The following NXPE2 variants were observed in gnomAD, a reference collection of about 807,000 sequenced individuals.
NXPE2 encodes the protein neurexophilin and PC-esterase domain family member 2, also known as NXPE family member 2.
In NXPE2, 34 loss-of-function variants were observed where a neutral mutation model predicts 34.4. That is an observed-to-expected ratio of 0.99 (90% CI 0.75 to 1.31). NXPE2 has a LOEUF of 1.31. NXPE2 is among the 40% of genes most tolerant of loss of function. The probability of loss-of-function intolerance (pLI) is 0.00; values close to 1 mark genes in which losing one functional copy is unlikely to be tolerated. For missense variants in NXPE2, 649 were observed against 672.5 expected (o/e 0.97, Z 0.39); for synonymous variants, 235 against 231.3 (o/e 1.02, Z -0.15).
At chr11:114,734,325 A>C in the NXPE2 span, among the ~76,000 whole-genome samples, 1 of 152,338 alleles carries the variant, frequency 6.6e-6, no homozygotes, top group East Asian at 1.9e-4. Context: ...AAGCTCTGCT[A>C]TTTGCTATAT....
At chr11:114,613,798 G>C in the NXPE2 span, among the ~76,000 whole-genome samples, 4 of 151,754 alleles carry the variant, frequency 2.6e-5, no homozygotes, top group Non-Finnish European at 4.4e-5. Context: ...TTAGCCGGTG[G>C]ATAATACGTC....
intron 2 of NXPE2, among the ~76,000 whole-genome samples, chr11:114,680,414 C>T (rs181573058): frequency 6.6e-6 from 1 of 152,090 alleles, no homozygotes; most frequent in Admixed American, 6.6e-5. Context: ...AAGCTTCAAA[C>T]AAGAAGCACC....
chr11:114,540,014 A>G, the NXPE2 span, among the ~76,000 whole-genome samples: 1 of 152,218 alleles, frequency 6.6e-6, no homozygotes. Context: ...TAATTTCCTT[A>G]TGACCTCACA....
chr11:114,750,087 C>T, the NXPE2 span, among the ~76,000 whole-genome samples: 1 of 152,184 alleles, frequency 6.6e-6, no homozygotes, highest in Non-Finnish European at 1.5e-5. Flanking sequence ...TAACTCAGCT[C>T]AGTTCAATGC....
At chr11:114,697,960 T>A in intron 2 of NXPE2, 85 bp from the exon 3 acceptor site, 1 of 1,219,318 alleles carries the variant, frequency 8.2e-7, no homozygotes, top group South Asian at 2.0e-5. Flanking sequence ...CACTGAAAGA[T>A]GTAAAATAAG....
the NXPE2 span, among the ~76,000 whole-genome samples, chr11:114,636,895 T>G: frequency 6.6e-6 from 1 of 152,146 alleles, no homozygotes; most frequent in Admixed American, 6.5e-5. Context: ...ATATGGTCAA[T>G]TTTGGAATAG....
chr11:114,695,830 A>AACAGACAC (rs564407542), intron 2 of NXPE2, among the ~76,000 whole-genome samples: 1 of 132,536 alleles, frequency 7.5e-6, no homozygotes, highest in Non-Finnish European at 1.6e-5. Flanking sequence ...GTCTCTACTA[A>AACAGACAC]ACACACACAC....
the NXPE2 span, among the ~76,000 whole-genome samples, chr11:114,792,621 C>G: frequency 6.6e-6 from 1 of 152,144 alleles, no homozygotes; most frequent in Non-Finnish European, 1.5e-5. Flanking sequence ...AGATGATATA[C>G]CATTTCTATA....
chr11:114,610,859 T>C, the NXPE2 span, among the ~76,000 whole-genome samples: 9 of 151,932 alleles, frequency 5.9e-5, no homozygotes, highest in Non-Finnish European at 1.2e-4. Context: ...GGGTAACCAC[T>C]GTTCCCCGGG....
chr11:114,512,903 C>A, the NXPE2 span: 11 of 249,458 alleles, frequency 4.4e-5, no homozygotes, highest in Middle Eastern at 1.4e-3. Flanking sequence ...AGAGCGCAAT[C>A]AGTATTGACC....
At chr11:114,493,872 A>G in the NXPE2 span, among the ~76,000 whole-genome samples, 1 of 151,828 alleles carries the variant, frequency 6.6e-6, no homozygotes, top group Non-Finnish European at 1.5e-5. Context: ...TCCCTTTATC[A>G]TTTCTTATAG....
rs983798596 is a variant in NXPE2, at chr11:114,706,457, G to T, written c.1207G>T (p.Glu403Ter). 2 of 1,551,572 alleles carry T rather than the reference G, an allele frequency of 1.3e-6. No homozygotes were observed. Among genetic ancestry groups the T allele is most frequent in the Admixed American group, 3.9e-5 (2 of 50,974 alleles). The part of the protein sequence containing the change: ...IFKTHVLLDV[E>*]RHILIQWKKH... ...TAAAACACATGTTCTTCTGGATGTT[G>T]AAAGACATATTTTGATTCAGTGGAA... The change falls in exon 6 of 6, where the codon GAA (glutamate) becomes TAA (stop). Residue 403 changes from glutamate to a stop codon, truncating the protein, a stop_gained. Transcript: ENST00000389586. LOFTEE classifies it low-confidence loss of function (END_TRUNC).
the NXPE2 span, among the ~76,000 whole-genome samples, chr11:114,636,895 T>C: frequency 1.3e-5 from 2 of 152,146 alleles, no homozygotes; most frequent in Non-Finnish European, 2.9e-5. Flanking sequence ...ATATGGTCAA[T>C]TTTGGAATAG....
chr11:114,647,677 T>G, the NXPE2 span, among the ~76,000 whole-genome samples: 1 of 151,960 alleles, frequency 6.6e-6, no homozygotes. Context: ...TTTCTCTCAA[T>G]CAGTATTTGG....
chr11:114,609,588 GATA>G, the NXPE2 span, among the ~76,000 whole-genome samples: 1 of 151,772 alleles, frequency 6.6e-6, no homozygotes, highest in Non-Finnish European at 1.5e-5. Flanking sequence ...TTACCATGTG[GATA>G]ATAAGTGTTG....
At chr11:114,771,031 G>GT in the NXPE2 span, among the ~76,000 whole-genome samples, 1 of 152,092 alleles carries the variant, frequency 6.6e-6, no homozygotes, top group Non-Finnish European at 1.5e-5. Flanking sequence ...CTCTGATATT[G>GT]TAAGAATTAG....
chr11:114,542,439 G>A, the NXPE2 span, among the ~76,000 whole-genome samples: 1 of 152,066 alleles, frequency 6.6e-6, no homozygotes, highest in Non-Finnish European at 1.5e-5. Flanking sequence ...GAGGATTTAT[G>A]GTAAGGATGA....
upstream of NXPE2, among the ~76,000 whole-genome samples, chr11:114,674,629 A>C (rs1950837209): frequency 6.6e-6 from 1 of 151,830 alleles, no homozygotes; most frequent in Non-Finnish European, 1.5e-5. Context: ...GAACGACACA[A>C]AGTAACTACA....
the NXPE2 span, among the ~76,000 whole-genome samples, chr11:114,790,409 A>G: frequency 1.3e-5 from 2 of 152,198 alleles, no homozygotes; most frequent in South Asian, 4.1e-4. Context: ...GCACTCTAAG[A>G]TAGGTATTTC....
Sources: allele counts gnomAD v4.1 joint callset (sites outside exome capture counted in the v4.1 genomes callset), GRCh38; gene constraint gnomAD v4.1.1; transcripts MANE v1.5; gene names NCBI Gene and HGNC (gene_info 2026-07-23, HGNC 2026-07-21).